Variants in TUT4 observed in about 807,000 individuals in gnomAD.
The protein encoded by TUT4 is terminal uridylyl transferase 4.
TUT4 carries 36 observed loss-of-function variants against 192.2 expected under a neutral mutation model. That is an observed-to-expected ratio of 0.19 (90% CI 0.14 to 0.25). The LOEUF is 0.25. Among genes scored for constraint, TUT4 ranks in the 10% least tolerant of loss-of-function variants. TUT4 has a pLI of 1.00. For synonymous variants in TUT4, 618 were observed against 666.0 expected (o/e 0.93, Z 1.11); for missense variants, 1,493 against 1,957.2 (o/e 0.76, Z 4.47).
intron 24 of TUT4, among the ~76,000 whole-genome samples, chr1:52,442,638 T>C (rs1656008617): frequency 6.6e-6 from 1 of 152,182 alleles, no homozygotes; most frequent in African/African-American, 2.4e-5. Flanking sequence ...GTCATGTCAG[T>C]GCTCAGTAAA....
At chr1:52,548,910 G>A (rs1402834879) in intron 1 of TUT4, among the ~76,000 whole-genome samples, 1 of 152,154 alleles carries the variant, frequency 6.6e-6, no homozygotes, top group Non-Finnish European at 1.5e-5. Flanking sequence ...AGCTAAACTA[G>A]AAAATAGTCA....
At chr1:52,532,764 TCA>T (rs1683842373) in intron 1 of TUT4, among the ~76,000 whole-genome samples, 1 of 152,192 alleles carries the variant, frequency 6.6e-6, no homozygotes, top group Admixed American at 6.5e-5. Flanking sequence ...CCAATATTAT[TCA>T]CAGTTAAGCC....
At chr1:52,501,267 C>G (rs895092777) in intron 4 of TUT4, among the ~76,000 whole-genome samples, 1 of 152,058 alleles carries the variant, frequency 6.6e-6, no homozygotes, top group Non-Finnish European at 1.5e-5. Context: ...AATAAGAAAA[C>G]AAACAACCCA....
intron 1 of TUT4, among the ~76,000 whole-genome samples, chr1:52,539,980 A>G (rs1390012807): frequency 6.6e-6 from 1 of 151,358 alleles, no homozygotes; most frequent in African/African-American, 2.4e-5. Context: ...GCACTTTGGG[A>G]GGCCAAGGCG....
At chr1:52,491,112 C>T (rs1022090892) in intron 7 of TUT4, among the ~76,000 whole-genome samples, 15 of 152,214 alleles carry the variant, frequency 9.9e-5, no homozygotes, top group Non-Finnish European at 1.9e-4. Flanking sequence ...GTTGTTAAAC[C>T]TTCATAGATA....
intron 28 of TUT4, among the ~76,000 whole-genome samples, chr1:52,427,177 A>C (rs998763043): frequency 1.6e-4 from 24 of 152,182 alleles, no homozygotes; most frequent in Non-Finnish European, 2.9e-4. Context: ...GTAAACAGAC[A>C]ATTTCAGCAC....
At chr1:52,499,925 T>C (rs1673622234) in intron 4 of TUT4, among the ~76,000 whole-genome samples, 1 of 148,512 alleles carries the variant, frequency 6.7e-6, no homozygotes, top group Admixed American at 6.7e-5. Flanking sequence ...AAAAAATATA[T>C]ATACATATAT....
chr1:52,461,143 C>G lies in TUT4; in HGVS notation c.3312G>C (p.Val1104=). The G allele has an allele frequency of 6.4e-7, 1 of 1,569,794 alleles. No homozygotes were observed. Among genetic ancestry groups the G allele is most frequent in the Non-Finnish European group, 8.7e-7 (1 of 1,155,486 alleles). ...ATTTTTTCATAAATACCTTAGCAAACACTTTCATAGTATATCCCAAATACT... is the reference window on the plus strand; with the variant it reads ...ATTTTTTCATAAATACCTTAGCAAAGACTTTCATAGTATATCCCAAATACT... ...RVQYLGYTMK[V]FAKRCDIGDA... is the part of the protein sequence containing the mutation. The change falls in exon 19 of 30, where the codon GTG becomes GTC. Residue 1104 remains valine, a synonymous_variant. Coordinates refer to ENST00000257177, the MANE Select transcript of TUT4 (RefSeq NM_001009881.3).
At chr1:52,524,640 T>C (rs899545657) in intron 2 of TUT4, among the ~76,000 whole-genome samples, 2 of 152,002 alleles carry the variant, frequency 1.3e-5, no homozygotes, top group Admixed American at 6.6e-5. Flanking sequence ...ATCCCGTCTC[T>C]ACTAAAAATA....
At chr1:52,463,568 G>T in intron 16 of TUT4, 1 of 1,245,126 alleles carries the variant, frequency 8.0e-7, no homozygotes, top group South Asian at 1.4e-5. Context: ...CACCACTACA[G>T]ATGCCAGAAG....
At chr1:52,509,824 G>A (rs951280960) in intron 3 of TUT4, 112 bp from the exon 4 acceptor site, 14 of 732,362 alleles carry the variant, frequency 1.9e-5, no homozygotes, top group South Asian at 3.2e-5. Flanking sequence ...AGCACTGAAG[G>A]TTTTTTCTTT....
rs756399805 is a variant in TUT4 at position 52,431,224 on chromosome 1, C to G, written c.4500G>C (p.Gln1500His). 2 of 1,614,146 alleles carry G rather than the reference C, an allele frequency of 1.2e-6. No homozygotes were observed. Among genetic ancestry groups the G allele is most frequent in the South Asian group, 2.2e-5 (2 of 91,078 alleles). ...GGATGGGCCAGGACGGGGCAGGGATCTGGAGAGGGTGCATTGGCAACAATC... is the reference window on the plus strand; with the variant it reads ...GGATGGGCCAGGACGGGGCAGGGATGTGGAGAGGGTGCATTGGCAACAATC... ...NMGLLPMHPLQIPAPSWPIHG... is the reference protein window; with the variant it reads ...NMGLLPMHPLHIPAPSWPIHG... Residue 1500 changes from glutamine to histidine, a missense_variant, in exon 28 of 30, where the codon CAG (glutamine) becomes CAC (histidine). This residue lies in a region of TUT4 where 351 missense variants were observed against 397.8 expected (regional missense o/e 0.88). Transcript: ENST00000257177.
At chr1:52,443,666 G>A (rs930663111) in intron 24 of TUT4, among the ~76,000 whole-genome samples, 3 of 152,106 alleles carry the variant, frequency 2.0e-5, no homozygotes, top group Non-Finnish European at 4.4e-5. Flanking sequence ...AGGAGGCCAA[G>A]GGAGGAGGAT....
At chr1:52,552,475 G>A (rs1043079927) in intron 1 of TUT4, among the ~76,000 whole-genome samples, 2 of 152,208 alleles carry the variant, frequency 1.3e-5, no homozygotes, top group African/African-American at 2.4e-5. Flanking sequence ...TTATATGCGT[G>A]TATACATTTA....
chr1:52,477,962 G>A (rs1177574487), intron 11 of TUT4, 80 bp from the exon 12 acceptor site: 27 of 1,331,304 alleles, frequency 2.0e-5, no homozygotes, highest in Non-Finnish European at 2.7e-5. Context: ...GAAGACCTTG[G>A]AGATCACGTT....
chr1:52,533,240 G>A (rs180772239), intron 1 of TUT4, among the ~76,000 whole-genome samples: 4 of 152,188 alleles, frequency 2.6e-5, no homozygotes, highest in African/African-American at 7.2e-5. Flanking sequence ...ATATGAGAAA[G>A]GAATAAAACT....
chr1:52,494,018 G>A (rs2149118425), intron 6 of TUT4, among the ~76,000 whole-genome samples: 1 of 149,930 alleles, frequency 6.7e-6, no homozygotes, highest in South Asian at 2.1e-4. Flanking sequence ...GCCCAGGCTG[G>A]TCTTGAACTC....
intron 13 of TUT4, among the ~76,000 whole-genome samples, chr1:52,474,082 C>T (rs1311985696): frequency 1.3e-5 from 2 of 152,158 alleles, no homozygotes; most frequent in African/African-American, 2.4e-5. Context: ...GTGGCATGCG[C>T]CTGTTGTCCC....
intron 1 of TUT4, among the ~76,000 whole-genome samples, chr1:52,544,771 G>A (rs958580025): frequency 1.3e-5 from 2 of 152,122 alleles, no homozygotes; most frequent in African/African-American, 4.8e-5. Flanking sequence ...TAAAATGGTG[G>A]CCAGGCTAGG....
Sources: gnomAD v4.1 joint callset for allele counts (sites outside exome capture counted in the v4.1 genomes callset) on GRCh38, gnomAD v4.1.1 for gene constraint, gnomAD v4.1.1 regional missense constraint, MANE v1.5 for transcripts, NCBI Gene and HGNC (gene_info 2026-07-23, HGNC 2026-07-21) for gene names.